Variants in PPM1H observed in about 807,000 individuals in gnomAD.
The protein encoded by PPM1H is protein phosphatase, Mg2+/Mn2+ dependent 1H.
Under a neutral mutation model 54.9 loss-of-function variants are expected in PPM1H, and 27 were observed. That is an observed-to-expected ratio of 0.49 (90% CI 0.36 to 0.68). The LOEUF is 0.68. Ranked by LOEUF, PPM1H falls within the 30% of genes least tolerant of loss-of-function variation. The pLI is 0.00. For synonymous variants in PPM1H, 305 were observed against 270.8 expected, an observed-to-expected ratio of 1.13 and a Z score of -1.24; for missense variants, 596 against 667.8, an observed-to-expected ratio of 0.89 and a Z score of 1.19.
intron 2 of PPM1H, among the ~76,000 whole-genome samples, chr12:62,813,399 C>A (rs1054775387): frequency 3.3e-5 from 5 of 152,122 alleles, no homozygotes; most frequent in Non-Finnish European, 5.9e-5. Flanking sequence ...AGTTTTCATT[C>A]GGGATGACAC....
chr12:62,718,087 G>C (rs1279541801), intron 6 of PPM1H, among the ~76,000 whole-genome samples: 1 of 152,154 alleles, frequency 6.6e-6, no homozygotes, highest in Non-Finnish European at 1.5e-5. Context: ...CCCCACTTCT[G>C]TCAATTATAC....
In PPM1H at chr12:62,645,704, A is replaced by G. The variant is rs1428162435; in HGVS notation, c.*2785T>C. On this transcript the variant is annotated 3_prime_UTR_variant, in exon 10 of 10. Transcript: ENST00000228705. ...AGGAAAGCCTTTCATTAAAGTAGCC[A>G]CACACCCCTCGAGACAACCATAAAG... 2 of 152,204 alleles carry G rather than the reference A, an allele frequency of 1.3e-5. No homozygotes were observed. The highest frequency in any genetic ancestry group is 2.4e-5 in the African/African-American group (1 of 41,428). The allele number at this position is 152,204 out of a possible 1,614,324, so 9.4% of individuals were successfully genotyped here.
At chr12:62,837,566 C>G (rs1868539860) in intron 1 of PPM1H, among the ~76,000 whole-genome samples, 1 of 152,214 alleles carries the variant, frequency 6.6e-6, no homozygotes, top group African/African-American at 2.4e-5. Context: ...TTGGAGAGAA[C>G]TGATTCAAAC....
At chr12:62,807,127 G>A (rs2076809567) in intron 2 of PPM1H, among the ~76,000 whole-genome samples, 1 of 152,206 alleles carries the variant, frequency 6.6e-6, no homozygotes, top group Non-Finnish European at 1.5e-5. Context: ...CCATGTGGCT[G>A]AGTGGGAGAG....
At chr12:62,679,137 C>T (rs561867574) in intron 8 of PPM1H, among the ~76,000 whole-genome samples, 4 of 151,934 alleles carry the variant, frequency 2.6e-5, no homozygotes, top group African/African-American at 9.7e-5. Context: ...CAGGCACATG[C>T]CACCGTGCCC....
chr12:62,834,837 G>C (rs147130240), intron 1 of PPM1H, among the ~76,000 whole-genome samples: 1 of 152,076 alleles, frequency 6.6e-6, no homozygotes, highest in African/African-American at 2.4e-5. Flanking sequence ...GCCTCCTCTC[G>C]GTCACTGGTG....
intron 4 of PPM1H, among the ~76,000 whole-genome samples, chr12:62,743,352 CAA>C (rs1156297214): frequency 6.6e-6 from 1 of 151,954 alleles, no homozygotes; most frequent in East Asian, 1.9e-4. Context: ...GACCCTGTCT[CAA>C]AAACAAAAAC....
At chr12:62,748,260 A>G (rs2076423600) in intron 4 of PPM1H, among the ~76,000 whole-genome samples, 1 of 152,086 alleles carries the variant, frequency 6.6e-6, no homozygotes, top group East Asian at 1.9e-4. Context: ...AAAAAGAAAA[A>G]AAAAGTCCTC....
chr12:62,916,494 T>C (rs1318736716), intron 1 of PPM1H, among the ~76,000 whole-genome samples: 1 of 152,196 alleles, frequency 6.6e-6, no homozygotes, highest in Non-Finnish European at 1.5e-5. Context: ...CTGAATAGAA[T>C]AAACTATTTA....
intron 1 of PPM1H, among the ~76,000 whole-genome samples, chr12:62,899,937 TAA>T (rs1301849610): frequency 6.6e-6 from 1 of 152,108 alleles, no homozygotes; most frequent in East Asian, 1.9e-4. Context: ...ACTGCCCTCA[TAA>T]AAGAGACCCT....
intron 6 of PPM1H, among the ~76,000 whole-genome samples, chr12:62,701,596 G>A (rs974090466): frequency 1.1e-4 from 16 of 152,116 alleles, no homozygotes; most frequent in African/African-American, 3.1e-4. Context: ...ATCCAATGAT[G>A]AGGCCCTCCA....
chr12:62,667,298 T>C lies in PPM1H; in HGVS notation c.1277A>G (p.His426Arg), dbSNP rs2075924876. 4 of 1,603,686 alleles carry C rather than the reference T, an allele frequency of 2.5e-6. No individual in the cohort carries two copies. Among genetic ancestry groups the C allele is most frequent in the South Asian group, 1.1e-5 (1 of 88,980 alleles). ...CAAGATCAGCACATCATCTGATCCA[T>C]GATCATATTTTGAAAGATCGTAGAT... ...VRIYDLSKYD[H>R]GSDDVLILAT... The change falls in exon 9 of 10, where the codon CAT becomes CGT. Residue 426 changes from histidine (H) to arginine (R), a missense_variant. By Grantham distance (29) the His-to-Arg change is conservative (BLOSUM62 0). This residue lies in a region of PPM1H where 208 missense variants were observed against 259.5 expected (regional missense o/e 0.80). Coordinates refer to ENST00000228705, the MANE Select transcript of PPM1H (RefSeq NM_020700.2).
rs765836294 is a variant in PPM1H, at chr12:62,832,134, GCCCTTCC to G, written c.384_390del (p.Glu129CysfsTer3). On this transcript the variant is annotated frameshift_variant, in exon 2 of 10. Transcript: ENST00000228705. LOFTEE classifies it high-confidence loss of function. ...CTTACCGAGTTCTCCTTCAGCTGCA[GCCCTTCC>G]CCATTGGGAAGGGAGGACCGTCTCT... 6.2e-7 allele frequency: 1 copy of G among 1,613,816 alleles called. No homozygotes were observed. Among genetic ancestry groups the G allele is most frequent in the Non-Finnish European group, 8.5e-7 (1 of 1,179,810 alleles).
chr12:62,820,333 T>A (rs1387292198), intron 2 of PPM1H, among the ~76,000 whole-genome samples: 1 of 152,210 alleles, frequency 6.6e-6, no homozygotes, highest in Non-Finnish European at 1.5e-5. Flanking sequence ...AGGGCGTAGA[T>A]GAACAAAAGG....
intron 6 of PPM1H, among the ~76,000 whole-genome samples, chr12:62,711,918 C>T (rs1419935135): frequency 6.6e-6 from 1 of 152,130 alleles, no homozygotes; most frequent in Non-Finnish European, 1.5e-5. Context: ...CCATAGCTTC[C>T]ACTGGCCTCC....
intron 8 of PPM1H, among the ~76,000 whole-genome samples, chr12:62,673,618 C>T (rs1204969095): frequency 6.6e-6 from 1 of 150,456 alleles, no homozygotes; most frequent in African/African-American, 2.4e-5. Context: ...CAGCTCAGGA[C>T]TGGCTTTGTG....
chr12:62,825,820 C>T (rs1444021163), intron 2 of PPM1H, among the ~76,000 whole-genome samples: 1 of 151,728 alleles, frequency 6.6e-6, no homozygotes, highest in Non-Finnish European at 1.5e-5. Flanking sequence ...CAACATGGCA[C>T]ACATATACCT....
intron 6 of PPM1H, among the ~76,000 whole-genome samples, chr12:62,710,920 C>A (rs1398029576): frequency 6.6e-6 from 1 of 152,202 alleles, no homozygotes; most frequent in Non-Finnish European, 1.5e-5. Flanking sequence ...AAACTCATCA[C>A]GCGCTATTAT....
intron 6 of PPM1H, among the ~76,000 whole-genome samples, chr12:62,698,282 G>A (rs984631322): frequency 1.3e-5 from 2 of 152,058 alleles, no homozygotes; most frequent in Non-Finnish European, 2.9e-5. Flanking sequence ...GAGTTTAACG[G>A]TACTTAATGT....
Sources: allele counts gnomAD v4.1 joint callset (sites outside exome capture counted in the v4.1 genomes callset), GRCh38; gene constraint gnomAD v4.1.1; regional missense constraint gnomAD v4.1.1; transcripts MANE v1.5; gene names NCBI Gene and HGNC (gene_info 2026-07-23, HGNC 2026-07-21).